The following COBLL1 variants were observed in gnomAD, a reference collection of about 807,000 sequenced individuals.
COBLL1 encodes the protein cordon-bleu protein-like 1.
Under a neutral mutation model 94.8 loss-of-function variants are expected in COBLL1, and 50 were observed. The ratio of observed to expected loss-of-function variants is 0.53; its 90% CI spans 0.42 to 0.67. COBLL1 has a LOEUF of 0.67. Among genes scored for constraint, COBLL1 ranks in the 30% least tolerant of loss-of-function variants. COBLL1 has a pLI of 0.00. For synonymous variants in COBLL1, 448 were observed against 473.8 expected (o/e 0.95, Z 0.71); for missense variants, 1,362 against 1,348.7 (o/e 1.01, Z -0.15).
chr2:164,804,869 T>C (rs541224649), intron 2 of COBLL1, among the ~76,000 whole-genome samples: 2 of 152,292 alleles, frequency 1.3e-5, no homozygotes, highest in South Asian at 2.1e-4. Flanking sequence ...ACACCACACA[T>C]GGACTCTCTG....
intron 2 of COBLL1, among the ~76,000 whole-genome samples, chr2:164,771,633 A>C (rs1298575991): frequency 1.3e-5 from 2 of 152,074 alleles, no homozygotes; most frequent in African/African-American, 2.4e-5. Context: ...TACAAGGCAC[A>C]CTGTTCTGAA....
intron 5 of COBLL1, among the ~76,000 whole-genome samples, chr2:164,725,846 C>A (rs1239710729): frequency 6.6e-6 from 1 of 152,124 alleles, no homozygotes; most frequent in Non-Finnish European, 1.5e-5. Context: ...GTAAGACAAG[C>A]AAAGGCTTTA....
intron 2 of COBLL1, among the ~76,000 whole-genome samples, chr2:164,658,377 A>G (rs1004668873): frequency 2.3e-4 from 35 of 152,226 alleles, no homozygotes; most frequent in African/African-American, 7.9e-4. Flanking sequence ...GGGTGCCTTC[A>G]ATGTCATTAA....
chr2:164,745,535 G>A lies in COBLL1; in HGVS notation c.42-1660C>T, dbSNP rs6729912. ...AGCTAAACACAGGAAAGGTAAAGAT[G>A]AGTAAGACTCAGTTCCTATTCCTGA... On this transcript the variant is annotated intron_variant, in intron 2 of 13. Transcript: ENST00000652658. Among the ~76,000 whole-genome samples, 768 of 152,286 alleles carry A rather than the reference G, an allele frequency of 5.0e-3. 21 individuals are homozygous for A. Among genetic ancestry groups the A allele is most frequent in the Admixed American group, 0.046 (704 of 15,280 alleles).
chr2:164,818,605 G>A (rs9678400), intron 2 of COBLL1, among the ~76,000 whole-genome samples: 45,613 of 134,650 alleles, frequency 0.34, 8,037 homozygotes, highest in Admixed American at 0.39. Flanking sequence ...TATAGCATAT[G>A]TGTACATATG....
chr2:164,761,093 T>C (rs146623416), intron 2 of COBLL1, among the ~76,000 whole-genome samples: 251 of 152,220 alleles, frequency 1.6e-3, no homozygotes, highest in Non-Finnish European at 2.2e-3. Context: ...AGACATGCAA[T>C]GATGTTATGG....
chr2:164,690,310 C>T (rs1264513498), intron 13 of COBLL1, among the ~76,000 whole-genome samples: 2 of 152,044 alleles, frequency 1.3e-5, no homozygotes, highest in African/African-American at 4.8e-5. Flanking sequence ...AAATTAGAAT[C>T]TGGCACTATG....
chr2:164,740,887 G>A (rs74705882), intron 3 of COBLL1, among the ~76,000 whole-genome samples: 4 of 149,702 alleles, frequency 2.7e-5, no homozygotes, highest in Non-Finnish European at 4.5e-5. Context: ...AGTTACACGA[G>A]GGGGGGAAAA....
At chr2:164,659,877 A>G (rs973012169) in intron 2 of COBLL1, among the ~76,000 whole-genome samples, 1 of 152,296 alleles carries the variant, frequency 6.6e-6, no homozygotes, top group Non-Finnish European at 1.5e-5. Context: ...AAGTTGCTTC[A>G]GTTTAAAGGA....
intron 13 of COBLL1, among the ~76,000 whole-genome samples, chr2:164,690,609 T>G (rs1328574515): frequency 6.6e-6 from 1 of 152,218 alleles, no homozygotes; most frequent in African/African-American, 2.4e-5. Context: ...TCATTGAAAC[T>G]GATGAATATC....
chr2:164,702,567 A>AT (rs1246603057), intron 9 of COBLL1, among the ~76,000 whole-genome samples: 2 of 148,200 alleles, frequency 1.3e-5, no homozygotes, highest in African/African-American at 5.0e-5. Context: ...TCAAAAAAAA[A>AT]AAAAAAAAAA....
At chr2:164,760,378 C>A (rs968322186) in intron 2 of COBLL1, among the ~76,000 whole-genome samples, 1 of 151,974 alleles carries the variant, frequency 6.6e-6, no homozygotes, top group Non-Finnish European at 1.5e-5. Flanking sequence ...CAATGGCAGC[C>A]AAATTTGGAG....
At chr2:164,801,409 A>T (rs1030614531) in intron 2 of COBLL1, among the ~76,000 whole-genome samples, 1 of 130,220 alleles carries the variant, frequency 7.7e-6, no homozygotes, top group African/African-American at 2.9e-5. Context: ...ACTGCACTCC[A>T]GCCTGGGCGA....
intron 2 of COBLL1, among the ~76,000 whole-genome samples, chr2:164,810,256 T>C (rs980049087): frequency 2.0e-5 from 3 of 151,594 alleles, no homozygotes; most frequent in African/African-American, 7.2e-5. Context: ...AAGAAGAGAT[T>C]TGAAAATTGG....
chr2:164,741,209 GA>G (rs1369235567), intron 3 of COBLL1, among the ~76,000 whole-genome samples: 1 of 152,062 alleles, frequency 6.6e-6, no homozygotes, highest in Non-Finnish European at 1.5e-5. Context: ...CCGGGAGGTG[GA>G]GGTTGCCGTG....
intron 2 of COBLL1, among the ~76,000 whole-genome samples, chr2:164,819,527 A>G (rs552144521): frequency 6.6e-6 from 1 of 152,292 alleles, no homozygotes; most frequent in East Asian, 1.9e-4. Flanking sequence ...AACGTAAAAA[A>G]AAATTTTTTT....
intron 12 of COBLL1, among the ~76,000 whole-genome samples, chr2:164,693,606 A>G (rs1330824955): frequency 3.9e-5 from 6 of 152,132 alleles, no homozygotes; most frequent in African/African-American, 7.2e-5. Flanking sequence ...CACTAAGTCA[A>G]CAACATTCCT....
At chr2:164,786,953 C>T (rs2105287958) in intron 2 of COBLL1, among the ~76,000 whole-genome samples, 1 of 152,212 alleles carries the variant, frequency 6.6e-6, no homozygotes, top group East Asian at 1.9e-4. Context: ...CTCCACAGAC[C>T]AGGGAAAGGA....
chr2:164,800,904 C>T (rs1213666388), intron 2 of COBLL1, among the ~76,000 whole-genome samples: 1 of 152,122 alleles, frequency 6.6e-6, no homozygotes, highest in African/African-American at 2.4e-5. Flanking sequence ...TAGGGACGGT[C>T]TCATTATAAA....
Sources: gnomAD v4.1 joint callset for allele counts (sites outside exome capture counted in the v4.1 genomes callset) on GRCh38, gnomAD v4.1.1 for gene constraint, MANE v1.5 for transcripts, NCBI Gene and HGNC (gene_info 2026-07-23, HGNC 2026-07-21) for gene names.